Variants in PTPRS observed in about 807,000 individuals in gnomAD.
PTPRS encodes protein tyrosine phosphatase receptor type S, also known as receptor-type tyrosine-protein phosphatase S.
A neutral mutation model predicts 215.3 loss-of-function variants in PTPRS; 63 were observed. The ratio of observed to expected loss-of-function variants is 0.29; its 90% CI spans 0.24 to 0.36. The LOEUF is 0.36. PTPRS is among the 10% of genes least tolerant of loss of function. PTPRS has a pLI of 1.00. For synonymous variants in PTPRS, 1,404 were observed against 1,191.4 expected, an observed-to-expected ratio of 1.18 and a Z score of -3.68; for missense variants, 2,258 against 2,825.8, an observed-to-expected ratio of 0.80 and a Z score of 4.56.
chr19:5,295,867 A>G lies in PTPRS; in HGVS notation c.-94-9633T>C, dbSNP rs1190831686. On this transcript the variant is annotated intron_variant, in intron 1 of 37. Coordinates refer to ENST00000262963, the MANE Select transcript of PTPRS (RefSeq NM_002850.4). This position sits in a 1 kb window ranked among gnomAD's most constrained non-coding sequence, Gnocchi z 4.6. ...CCTCCTGGGCTCAAGTGATCCTCCC[A>G]CCTCAGCCTCCTGAGTAGCTTGGAC... 6.6e-6 allele frequency among the ~76,000 whole-genome samples: 1 copy of G among 151,750 alleles called. No homozygotes were observed. The highest frequency in any genetic ancestry group is 1.5e-5 in the Non-Finnish European group (1 of 67,904).
intron 17 of PTPRS, among the ~76,000 whole-genome samples, chr19:5,223,923 A>T (rs528819247): frequency 6.6e-6 from 1 of 151,962 alleles, no homozygotes; most frequent in South Asian, 2.1e-4. Context: ...ATCTGTAAGT[A>T]ATCCCAGCAC....
At chr19:5,316,276 G>A (rs1400941002) in intron 1 of PTPRS, among the ~76,000 whole-genome samples, 10 of 152,188 alleles carry the variant, frequency 6.6e-5, no homozygotes, top group African/African-American at 2.2e-4. Flanking sequence ...AACTACATAC[G>A]TAAATGGAAA....
Position 5,286,191 on chromosome 19 carries a change from C to A in PTPRS, c.-51G>T. On this transcript the variant is annotated 5_prime_UTR_variant, in exon 2 of 38. Transcript: ENST00000262963. ...CCCTGGAGGGGGATGGCCCCCCGGT[C>A]CCTCACAGAGAGGCCTCGAGCCGAG... The A allele has an allele frequency of 6.3e-7, 1 of 1,597,936 alleles. No individual in the cohort carries two copies. Among genetic ancestry groups the A allele is most frequent in the South Asian group, 1.1e-5 (1 of 89,398 alleles).
At position 5,272,974 on chromosome 19, in the gene PTPRS, A is replaced by C. The variant is rs149623388; in HGVS notation, c.379+468T>G. On this transcript the variant is annotated intron_variant, in intron 4 of 37. Coordinates refer to ENST00000262963, the MANE Select transcript of PTPRS (RefSeq NM_002850.4). ...TGATTAGTTCAGGGAAGGGAATGGG[A>C]TCCAAGTTCATTGGCAGTGGGGGAA... The C allele has an allele frequency of 3.2e-3, 630 of 194,478 alleles. 6 individuals are homozygous for C. The highest frequency in any genetic ancestry group is 5.2e-3 in the Non-Finnish European group (491 of 93,596). 12.0% of individuals were successfully genotyped at this position (194,478 alleles called of 1,614,324 possible).
At chr19:5,313,722 C>T (rs1349317031) in intron 1 of PTPRS, among the ~76,000 whole-genome samples, 1 of 152,096 alleles carries the variant, frequency 6.6e-6, no homozygotes, top group African/African-American at 2.4e-5. Context: ...CCCTGGAGAG[C>T]CTTTTCTCCT....
intron 32 of PTPRS, 86 bp downstream of exon 32, chr19:5,211,879 G>A: frequency 6.4e-7 from 1 of 1,566,766 alleles, no homozygotes; most frequent in Non-Finnish European, 8.7e-7. Context: ...CCACCTTCTA[G>A]TCCCCATTGC....
At chr19:5,322,162 T>G (rs1446914289) in intron 1 of PTPRS, among the ~76,000 whole-genome samples, 1 of 152,204 alleles carries the variant, frequency 6.6e-6, no homozygotes, top group Non-Finnish European at 1.5e-5. Context: ...CCGCCTGAGC[T>G]GGCGTGAGCC....
At position 5,206,717 on chromosome 19, in the gene PTPRS, C is replaced by A; in HGVS notation, c.*57G>T. On this transcript the variant is annotated 3_prime_UTR_variant, in exon 38 of 38. Transcript: ENST00000262963. Reference sequence around the variant, plus strand: ...GGGTCCAGGCCTCAGGAGGTCCGCCCGGGAGGGGCAGAGGCATCCGGGGCC... The same window carrying A: ...GGGTCCAGGCCTCAGGAGGTCCGCCAGGGAGGGGCAGAGGCATCCGGGGCC... 2.0e-6 allele frequency: 3 copies of A among 1,537,148 alleles called. No homozygotes were observed. The highest frequency in any genetic ancestry group is 1.1e-5 in the South Asian group (1 of 88,992).
At chr19:5,219,712 T>C (rs1017304342) in intron 22 of PTPRS, among the ~76,000 whole-genome samples, 1 of 152,204 alleles carries the variant, frequency 6.6e-6, no homozygotes, top group African/African-American at 2.4e-5. Context: ...CCTGGGATGC[T>C]TTTTCTTTGT....
At chr19:5,236,399 G>T (rs1349569505) in intron 13 of PTPRS, among the ~76,000 whole-genome samples, 1 of 152,224 alleles carries the variant, frequency 6.6e-6, no homozygotes, top group African/African-American at 2.4e-5. Context: ...TTGGTTTGAG[G>T]TTGGCAGCTC....
chr19:5,298,532 C>T (rs1438940931), intron 1 of PTPRS, among the ~76,000 whole-genome samples: 1 of 152,242 alleles, frequency 6.6e-6, no homozygotes, highest in Non-Finnish European at 1.5e-5. Context: ...CTCAGCTTCC[C>T]TGCCCTGGTC....
Position 5,262,968 on chromosome 19 carries a change from G to C in PTPRS, c.573C>G (p.Thr191=), listed in dbSNP as rs118081237. The C allele has an allele frequency of 6.4e-3, 9,638 of 1,513,688 alleles. 48 individuals carry two copies. Among genetic ancestry groups the C allele is most frequent in the Middle Eastern group, 8.1e-3 (46 of 5,680 alleles). 93.8% of individuals were successfully genotyped at this position (1,513,688 alleles called of 1,614,324 possible). The change falls in exon 6 of 38, where the codon ACC becomes ACG. Residue 191 remains threonine (T), a synonymous_variant. Transcript: ENST00000262963. ...NGRIKQLRSE[T]FESTPIRGAL... ...TGGTGATGAAATCAGACTTACCAAA[G>C]GTTTCTGAACGTTTACAACAGGAGG...
chr19:5,225,657 TG>T, intron 17 of PTPRS, 69 bp downstream of exon 17: 1 of 1,325,160 alleles, frequency 7.5e-7, no homozygotes, highest in Non-Finnish European at 1.1e-6. Context: ...TCAAGGACTC[TG>T]GAGTCACGCT....
rs935604660 is a variant in PTPRS, at chr19:5,338,910, G to C, written c.-95+1754C>G. ...GGCGCCGTCACCCTCTGCACCCCAA[G>C]GACAGCAGCGATAGGGGGCCACCCA... is the stretch of plus-strand genomic sequence containing the variant. On this transcript the variant is annotated intron_variant, in intron 1 of 37. Coordinates refer to ENST00000262963, the MANE Select transcript of PTPRS (RefSeq NM_002850.4). The surrounding 1 kb of genome is among the most constrained non-coding windows in gnomAD (Gnocchi z 4.2). Among the ~76,000 whole-genome samples, 4 of 152,212 alleles carry C rather than the reference G, an allele frequency of 2.6e-5. No individual in the cohort carries two copies. Among genetic ancestry groups the C allele is most frequent in the Middle Eastern group, 3.2e-3 (1 of 316 alleles).
Position 5,271,307 on chromosome 19 carries a change from T to C in PTPRS, c.379+2135A>G, listed in dbSNP as rs529817076. Among the ~76,000 whole-genome samples, 24 of 152,168 alleles carry C rather than the reference T, an allele frequency of 1.6e-4. 3 individuals are homozygous for C. Among genetic ancestry groups the C allele is most frequent in the Admixed American group, 6.5e-4 (10 of 15,288 alleles). ...ACGGGGAAGTAGAATTGACCAAATA[T>C]GGCATTGTGCTAATCTTGCTCCCTG... On this transcript the variant is annotated intron_variant, in intron 4 of 37. Transcript: ENST00000262963.
chr19:5,270,974 C>T (rs892262135), intron 4 of PTPRS, among the ~76,000 whole-genome samples: 40 of 152,266 alleles, frequency 2.6e-4, no homozygotes, highest in African/African-American at 8.2e-4. Flanking sequence ...ACAGGTCACT[C>T]GCCTGTGATG....
chr19:5,222,147 G>T lies in PTPRS; in HGVS notation c.3177C>A (p.Asn1059Lys), dbSNP rs780382156. Residue 1059 changes from asparagine (N) to lysine (K), a missense_variant, in exon 19 of 38, where the codon AAC (asparagine) becomes AAA (lysine). Around this residue, in one of 6 missense-constraint regions of PTPRS, gnomAD observed 361 missense variants for 332.6 expected, o/e 1.09. Transcript: ENST00000262963. The part of the protein sequence containing the change: ...SVLLSWEFPD[N>K]YNSPTPYKIQ... ...CCTTGTAGGGTGTGGGTGAGTTGTA[G>T]TTGTCAGGGAACTCCCAGCTGAGCA... 1 of 1,613,952 alleles carries T rather than the reference G, an allele frequency of 6.2e-7. No individual in the cohort carries two copies. The highest frequency in any genetic ancestry group is 8.5e-7 in the Non-Finnish European group (1 of 1,179,942).
intron 1 of PTPRS, among the ~76,000 whole-genome samples, chr19:5,335,696 G>A (rs536627185): frequency 6.6e-6 from 1 of 152,248 alleles, no homozygotes; most frequent in East Asian, 1.9e-4. Flanking sequence ...CCCATGAAAC[G>A]GGACATTTGT....
At position 5,212,393 on chromosome 19, in the gene PTPRS, C is replaced by G. The variant is rs146621666; in HGVS notation, c.4713G>C (p.Leu1571=). ...GCGGGTTGCAGGTCTTGACTCTCCG[C>G]AGGAAAGCCAGGAAGGGCGTTGGGT... The part of the protein sequence containing the change: ...PEYPTPFLAF[L]RRVKTCNPPD... Residue 1571 remains leucine, a synonymous_variant, in exon 31 of 38, where the codon CTG becomes CTC. Coordinates refer to ENST00000262963, the MANE Select transcript of PTPRS (RefSeq NM_002850.4). 1.9e-6 allele frequency: 3 copies of G among 1,606,612 alleles called. No individual in the cohort carries two copies. In the African/African-American group the frequency reaches 4.0e-5, roughly 21 times the overall value.
Sources: gnomAD v4.1 joint callset for allele counts (sites outside exome capture counted in the v4.1 genomes callset) on GRCh38, gnomAD v4.1.1 for gene constraint, gnomAD v4.1.1 regional missense constraint, Gnocchi (gnomAD v3.1) non-coding constraint, MANE v1.5 for transcripts, NCBI Gene and HGNC (gene_info 2026-07-23, HGNC 2026-07-21) for gene names.